Variants in JAKMIP2 observed in about 807,000 individuals in gnomAD.
The protein encoded by JAKMIP2 is janus kinase and microtubule-interacting protein 2.
A neutral mutation model predicts 115.0 loss-of-function variants in JAKMIP2; 25 were observed. The observed-to-expected ratio is 0.22, with a 90% CI of 0.16 to 0.30. JAKMIP2 has a LOEUF of 0.30. Among genes scored for constraint, JAKMIP2 ranks in the 10% least tolerant of loss-of-function variants. The pLI, the probability that JAKMIP2 is intolerant of heterozygous loss-of-function variation, is 1.00. For synonymous variants in JAKMIP2, 334 were observed against 343.6 expected, an observed-to-expected ratio of 0.97 and a Z score of 0.31; for missense variants, 642 against 957.6, an observed-to-expected ratio of 0.67 and a Z score of 4.35.
At chr5:147,624,784 C>T (rs375846444) in intron 16 of JAKMIP2, among the ~76,000 whole-genome samples, 1 of 151,994 alleles carries the variant, frequency 6.6e-6, no homozygotes, top group Admixed American at 6.5e-5. Flanking sequence ...CTACCTTGGC[C>T]GTAATTTCAA....
intron 1 of JAKMIP2, among the ~76,000 whole-genome samples, chr5:147,737,595 T>G (rs1470858450): frequency 1.3e-5 from 2 of 152,248 alleles, no homozygotes; most frequent in African/African-American, 2.4e-5. Context: ...GAAAGTAACA[T>G]TCTCACTAAA....
intron 5 of JAKMIP2, 109 bp downstream of exon 5, chr5:147,648,267 T>C: frequency 3.2e-6 from 2 of 630,190 alleles, no homozygotes; most frequent in South Asian, 2.2e-5. Flanking sequence ...ATGGTATCTT[T>C]ATTATTTGTA....
At chr5:147,720,175 C>A (rs1753206391) in intron 1 of JAKMIP2, among the ~76,000 whole-genome samples, 1 of 152,144 alleles carries the variant, frequency 6.6e-6, no homozygotes, top group Non-Finnish European at 1.5e-5. Context: ...TGAATATTGG[C>A]CCCCACTCTC....
rs770303075 is a variant in JAKMIP2 at position 147,761,064 on chromosome 5, T to G, written c.-149+21392A>C. Among the ~76,000 whole-genome samples the G allele has an allele frequency of 2.6e-5, 4 of 152,108 alleles. No individual in the cohort carries two copies. The South Asian group carries it at 8.3e-4, about 32-fold the overall frequency. On this transcript the variant is annotated intron_variant, in intron 1 of 21. Transcript: ENST00000616793. ...CAGTTAAATAAAGACACAGGGTGAA[T>G]CTTCTTTCTTTAATATCTCTTAGTG... is the stretch of plus-strand genomic sequence containing the variant.
intron 19 of JAKMIP2, among the ~76,000 whole-genome samples, chr5:147,616,520 T>G (rs368999627): frequency 6.6e-6 from 1 of 152,244 alleles, no homozygotes; most frequent in African/African-American, 2.4e-5. Flanking sequence ...GAGTCCATCT[T>G]AAAAGTAAAC....
At chr5:147,627,692 A>AC (rs1373965719) in intron 16 of JAKMIP2, among the ~76,000 whole-genome samples, 1 of 150,504 alleles carries the variant, frequency 6.6e-6, no homozygotes, top group Non-Finnish European at 1.5e-5. Context: ...AAAAAAAAAA[A>AC]AAAAAAAAAA....
chr5:147,701,738 G>A (rs1402049414), intron 1 of JAKMIP2, among the ~76,000 whole-genome samples: 1 of 152,166 alleles, frequency 6.6e-6, no homozygotes, highest in East Asian at 1.9e-4. Flanking sequence ...TGCCCCTTCT[G>A]CCATGTGAGG....
chr5:147,599,156 G>A (rs920427756), intron 21 of JAKMIP2, among the ~76,000 whole-genome samples: 3 of 152,184 alleles, frequency 2.0e-5, no homozygotes, highest in East Asian at 1.9e-4. Context: ...TTCAGTAAAT[G>A]TGGTAGCTAA....
chr5:147,604,496 A>C (rs1260896885), intron 20 of JAKMIP2, among the ~76,000 whole-genome samples: 1 of 152,114 alleles, frequency 6.6e-6, no homozygotes. Flanking sequence ...CTATATAAAA[A>C]TCTGGATGCC....
intron 1 of JAKMIP2, among the ~76,000 whole-genome samples, chr5:147,711,570 T>A (rs1395945460): frequency 6.6e-6 from 1 of 152,212 alleles, no homozygotes; most frequent in Non-Finnish European, 1.5e-5. Context: ...AGTTTCCTCA[T>A]CGATAAAAAC....
rs1014204109 is a variant in JAKMIP2, at chr5:147,612,387, A to G, written c.2347-16T>C. 6.7e-7 allele frequency: 1 copy of G among 1,482,566 alleles called. No individual in the cohort carries two copies. Among genetic ancestry groups the G allele is most frequent in the Non-Finnish European group, 9.3e-7 (1 of 1,079,544 alleles). The allele number at this position is 1,482,566 out of a possible 1,614,324, so 91.8% of individuals were successfully genotyped here. A position where few individuals can be genotyped will look rare whatever the true frequency, so the allele number is the denominator to read the frequency against. ...CACGAATTCTCTGAAGAAAGAAAAG[A>G]AAAGAAAGAAAGCATCAGTAGGTGG... On this transcript the variant is annotated splice_polypyrimidine_tract_variant and intron_variant, in intron 19 of 21. Coordinates refer to ENST00000616793, the MANE Select transcript of JAKMIP2 (RefSeq NM_001270941.2).
rs554110850 is a variant in JAKMIP2 at position 147,632,560 on chromosome 5, T to C, written c.1776+120A>G. On this transcript the variant is annotated intron_variant, in intron 13 of 21. Coordinates refer to ENST00000616793, the MANE Select transcript of JAKMIP2 (RefSeq NM_001270941.2). ...TCCACTATATAATTTTGAGGGTGAT[T>C]GTGAGGTCCAAATGAGAGTATGAAT... The C allele has an allele frequency of 3.6e-4, 247 of 685,526 alleles. 5 individuals carry two copies. The South Asian group carries it at 4.6e-3, about 13-fold the overall frequency. 42.5% of individuals were successfully genotyped at this position (685,526 alleles called of 1,614,324 possible).
chr5:147,609,815 A>G (rs570952619), intron 20 of JAKMIP2, among the ~76,000 whole-genome samples: 6 of 152,310 alleles, frequency 3.9e-5, no homozygotes, highest in African/African-American at 1.4e-4. Flanking sequence ...AGGTACACCA[A>G]TCAAACATAG....
chr5:147,736,799 C>T (rs1055143953), intron 1 of JAKMIP2, among the ~76,000 whole-genome samples: 2 of 152,116 alleles, frequency 1.3e-5, no homozygotes, highest in Non-Finnish European at 2.9e-5. Context: ...GGTCAATCTT[C>T]ACATATATTT....
chr5:147,613,693 C>T (rs1328531548), intron 19 of JAKMIP2, among the ~76,000 whole-genome samples: 1 of 152,076 alleles, frequency 6.6e-6, no homozygotes, highest in Admixed American at 6.5e-5. Context: ...TGCTACTAAA[C>T]ATTCGATAAG....
chr5:147,729,805 A>G (rs913529513), intron 1 of JAKMIP2, among the ~76,000 whole-genome samples: 7 of 152,034 alleles, frequency 4.6e-5, no homozygotes, highest in Non-Finnish European at 1.0e-4. Flanking sequence ...TGTTCTGTGA[A>G]ATATTTATTC....
intron 1 of JAKMIP2, among the ~76,000 whole-genome samples, chr5:147,754,975 C>G (rs1469007396): frequency 6.6e-6 from 1 of 152,112 alleles, no homozygotes; most frequent in Non-Finnish European, 1.5e-5. Context: ...ACATGAAGAG[C>G]AGCTGTGAAT....
intron 1 of JAKMIP2, among the ~76,000 whole-genome samples, chr5:147,741,413 G>T (rs1296202553): frequency 6.6e-6 from 1 of 151,898 alleles, no homozygotes; most frequent in Admixed American, 6.6e-5. Flanking sequence ...CCTTTGAGTT[G>T]CATTACCTTT....
At chr5:147,629,820 T>C in intron 14 of JAKMIP2, 74 bp from the exon 15 acceptor site, 1 of 1,176,290 alleles carries the variant, frequency 8.5e-7, no homozygotes, top group Admixed American at 1.9e-5. Context: ...AACATGAAGT[T>C]AGAGGAAGAC....
Sources: gnomAD v4.1 joint callset for allele counts (sites outside exome capture counted in the v4.1 genomes callset) on GRCh38, gnomAD v4.1.1 for gene constraint, MANE v1.5 for transcripts, NCBI Gene and HGNC (gene_info 2026-07-23, HGNC 2026-07-21) for gene names.